The following ABCG1 variants were observed in gnomAD, a reference collection of about 807,000 sequenced individuals.
The protein encoded by ABCG1 is ATP binding cassette subfamily G member 1.
A neutral mutation model predicts 69.2 loss-of-function variants in ABCG1; 29 were observed. The ratio of observed to expected loss-of-function variants is 0.42; its 90% CI spans 0.31 to 0.57. The LOEUF is 0.57. Ranked by LOEUF, ABCG1 falls within the 20% of genes least tolerant of loss-of-function variation. ABCG1 has a pLI of 0.15. For missense variants in ABCG1, 718 were observed against 898.1 expected (o/e 0.80, Z 2.56); for synonymous variants, 370 against 374.8 (o/e 0.99, Z 0.15).
intron 3 of ABCG1, among the ~76,000 whole-genome samples, chr21:42,272,561 G>A (rs1314020760): frequency 6.6e-6 from 1 of 152,260 alleles, no homozygotes; most frequent in African/African-American, 2.4e-5. Flanking sequence ...GGTAGGGCTA[G>A]AGAGACTGGA....
chr21:42,243,485 TGTGTGC>T lies in ABCG1; in HGVS notation c.286+17573_286+17578del, dbSNP rs1360817941. ...GTGTGTGTGTGTGTGTGTGTGTGTG[TGTGTGC>T]GCTGGTTTATAATATCACCTGGGCG... On this transcript the variant is annotated intron_variant, in intron 2 of 14. Transcript: ENST00000398449. Among the ~76,000 whole-genome samples, 1,093 of 148,068 alleles carry T rather than the reference TGTGTGC, an allele frequency of 7.4e-3. 14 individuals are homozygous for T. Among genetic ancestry groups the T allele is most frequent in the African/African-American group, 0.02 (786 of 39,260 alleles).
intron 1 of ABCG1, chr21:42,221,140 G>A (rs1248301970): frequency 1.3e-5 from 2 of 151,988 alleles, no homozygotes; most frequent in Non-Finnish European, 2.9e-5. Context: ...CTGAAAACTG[G>A]GTACTTTAAA....
chr21:42,209,290 G>T (rs894228914), intron 2 of ABCG1, among the ~76,000 whole-genome samples: 3 of 152,288 alleles, frequency 2.0e-5, no homozygotes, highest in Middle Eastern at 6.8e-3. Context: ...AACCCATGAG[G>T]GTCCAGCGAT....
chr21:42,287,322 AG>A lies in ABCG1; in HGVS notation c.974-565del, dbSNP rs1428314308. Among the ~76,000 whole-genome samples the A allele has an allele frequency of 6.6e-6, 1 of 152,094 alleles. No homozygotes were observed. The highest frequency in any genetic ancestry group is 1.5e-5 in the Non-Finnish European group (1 of 68,000). ...GGGGAGGTGACGATTGGGATGCGAG[AG>A]GCAGGAGCAGCGGGCAGGGCCGGTG... On this transcript the variant is annotated intron_variant, in intron 8 of 14. Coordinates refer to ENST00000398449, the MANE Select transcript of ABCG1 (RefSeq NM_016818.3). The surrounding 1 kb of genome is among the most constrained non-coding windows in gnomAD (Gnocchi z 6.2).
chr21:42,273,480 C>T lies in ABCG1; in HGVS notation c.537+45C>T, dbSNP rs1240536226. Reference sequence around the variant, plus strand: ...GCCCCACTCCGCCCCTGCCGCCTGTCCCCAGCGCCCACATTAGACACAGCA... The same window carrying T: ...GCCCCACTCCGCCCCTGCCGCCTGTTCCCAGCGCCCACATTAGACACAGCA... On this transcript the variant is annotated intron_variant, in intron 4 of 14. Coordinates refer to ENST00000398449, the MANE Select transcript of ABCG1 (RefSeq NM_016818.3). The surrounding 1 kb of genome is among the most constrained non-coding windows in gnomAD (Gnocchi z 5.3). 6.3e-7 allele frequency: 1 copy of T among 1,588,096 alleles called. No individual in the cohort carries two copies. Among genetic ancestry groups the T allele is most frequent in the Non-Finnish European group, 8.6e-7 (1 of 1,166,256 alleles).
chr21:42,283,610 G>A (rs926333354), intron 6 of ABCG1, among the ~76,000 whole-genome samples: 1 of 152,046 alleles, frequency 6.6e-6, no homozygotes, highest in Non-Finnish European at 1.5e-5. Flanking sequence ...CGGGGCACTA[G>A]ACCACCTGAG....
intron 2 of ABCG1, among the ~76,000 whole-genome samples, chr21:42,231,291 G>T (rs2067897670): frequency 1.3e-5 from 2 of 152,208 alleles, no homozygotes; most frequent in Non-Finnish European, 2.9e-5. Context: ...AGTCATATCT[G>T]GGGCTTTAGA....
Position 42,277,997 on chromosome 21 carries a change from G to A in ABCG1, c.588+1052G>A, listed in dbSNP as rs7281676. Among the ~76,000 whole-genome samples, 418 of 152,336 alleles carry A rather than the reference G, an allele frequency of 2.7e-3. 4 individuals are homozygous for A. The highest frequency in any genetic ancestry group is 7.9e-3 in the African/African-American group (330 of 41,574). ...CCCTTCAAAACTCAGGATTCAGCCC[G>A]TGTCACCGGGGCTGGGGGGTGAAAT... On this transcript the variant is annotated intron_variant, in intron 5 of 14. Transcript: ENST00000398449.
intron 14 of ABCG1, 92 bp downstream of exon 14, chr21:42,294,752 T>C: frequency 8.5e-7 from 1 of 1,171,914 alleles, no homozygotes; most frequent in East Asian, 2.4e-5. Context: ...AAAGCCACTC[T>C]GGGCTGCTGG....
intron 2 of ABCG1, among the ~76,000 whole-genome samples, chr21:42,234,001 C>T (rs1312595644): frequency 6.7e-6 from 1 of 150,076 alleles, no homozygotes; most frequent in Non-Finnish European, 1.5e-5. Context: ...TATTTCTCTC[C>T]TCCCACTGTT....
At chr21:42,295,340 A>T (rs1293909865) in intron 14 of ABCG1, 2 of 15,400 alleles carry the variant, frequency 1.3e-4, no homozygotes, top group African/African-American at 3.7e-4. Flanking sequence ...CAATAAAAAA[A>T]AAAAAAAAAA....
chr21:42,268,388 TGCGC>T (rs377669349), intron 2 of ABCG1, among the ~76,000 whole-genome samples: 8 of 110,102 alleles, frequency 7.3e-5, no homozygotes, highest in Non-Finnish European at 1.5e-4. Flanking sequence ...TGTGTGTGTG[TGCGC>T]GCGCGCGCTG....
intron 2 of ABCG1, among the ~76,000 whole-genome samples, chr21:42,209,078 A>G (rs1466088090): frequency 6.6e-6 from 1 of 152,144 alleles, no homozygotes; most frequent in Non-Finnish European, 1.5e-5. Context: ...GGTCTCAGGG[A>G]GGCAAGAGGA....
At chr21:42,260,525 G>A (rs774773673) in intron 2 of ABCG1, among the ~76,000 whole-genome samples, 1 of 152,134 alleles carries the variant, frequency 6.6e-6, no homozygotes, top group Non-Finnish European at 1.5e-5. Flanking sequence ...GAGAGGAGCC[G>A]CATGGAAGGG....
intron 2 of ABCG1, among the ~76,000 whole-genome samples, chr21:42,210,711 G>A (rs546647581): frequency 7.4e-5 from 11 of 148,230 alleles, no homozygotes; most frequent in Middle Eastern, 3.4e-3. Context: ...GGCATCTGCC[G>A]CCCCCCTCCC....
At chr21:42,209,793 T>G (rs1317286987) in intron 2 of ABCG1, among the ~76,000 whole-genome samples, 1 of 152,206 alleles carries the variant, frequency 6.6e-6, no homozygotes, top group Non-Finnish European at 1.5e-5. Context: ...TGCTGACACC[T>G]CTCATCCTTG....
intron 10 of ABCG1, 126 bp from the exon 11 acceptor site, chr21:42,289,924 G>A (rs1029972524): frequency 1.3e-5 from 13 of 1,039,046 alleles, no homozygotes; most frequent in Non-Finnish European, 1.7e-5. Flanking sequence ...GAGAAGACAG[G>A]ATAAAGTCTA....
chr21:42,224,352 A>C (rs1192645511), intron 1 of ABCG1, among the ~76,000 whole-genome samples: 1 of 152,242 alleles, frequency 6.6e-6, no homozygotes, highest in Admixed American at 6.5e-5. Flanking sequence ...CATTGGGACC[A>C]GCTGGGAGGA....
chr21:42,234,751 C>T (rs1051548810), intron 2 of ABCG1, among the ~76,000 whole-genome samples: 1 of 152,162 alleles, frequency 6.6e-6, no homozygotes, highest in Non-Finnish European at 1.5e-5. Flanking sequence ...GGGTGACGTT[C>T]GCGCTCTTGC....
Sources: allele counts gnomAD v4.1 joint callset (sites outside exome capture counted in the v4.1 genomes callset), GRCh38; gene constraint gnomAD v4.1.1; non-coding constraint Gnocchi (gnomAD v3.1); transcripts MANE v1.5; gene names NCBI Gene and HGNC (gene_info 2026-07-23, HGNC 2026-07-21).